Variants in PTCHD4 observed in about 807,000 individuals in gnomAD.
PTCHD4 encodes the protein patched domain-containing protein 4.
PTCHD4 carries 33 observed loss-of-function variants against 58.1 expected under a neutral mutation model. That is an observed-to-expected ratio of 0.57 (90% CI 0.43 to 0.76). The LOEUF is 0.76. Among genes scored for constraint, PTCHD4 ranks in the 30% least tolerant of loss-of-function variants. PTCHD4 has a pLI of 0.00. For synonymous variants in PTCHD4, 478 were observed against 409.6 expected (o/e 1.17, Z -2.02); for missense variants, 1,058 against 1,027.1 (o/e 1.03, Z -0.41).
chr6:47,885,399 C>G (rs1445463017), intron 4 of PTCHD4, among the ~76,000 whole-genome samples: 1 of 152,128 alleles, frequency 6.6e-6, no homozygotes, highest in Non-Finnish European at 1.5e-5. Context: ...TGCTAACATG[C>G]CCCCATTTAA....
chr6:48,052,816 C>T (rs1425820617), intron 3 of PTCHD4, among the ~76,000 whole-genome samples: 1 of 152,028 alleles, frequency 6.6e-6, no homozygotes, highest in Non-Finnish European at 1.5e-5. Flanking sequence ...GTGTATACTA[C>T]ATCACTCATA....
intron 1 of PTCHD4, among the ~76,000 whole-genome samples, 196 bp from the exon 2 acceptor site, chr6:48,070,122 T>TG (rs1491340840): frequency 6.4e-5 from 8 of 124,666 alleles, no homozygotes; most frequent in African/African-American, 2.1e-4. Flanking sequence ...TAAGTGTGTG[T>TG]TTGTGTGTGT....
At position 47,861,815 on chromosome 6, in the gene PTCHD4, T is replaced by A. The variant is rs1000277010; in HGVS notation, c.*16488A>T. 2.0e-5 allele frequency among the ~76,000 whole-genome samples: 3 copies of A among 151,980 alleles called. No homozygotes were observed. The highest frequency in any genetic ancestry group is 7.2e-5 in the African/African-American group (3 of 41,432). ...TGAGCAATTTGAACTGCTTTGTCCC[T>A]CACACAGGACTTTGTACATCACTTG... is the stretch of plus-strand genomic sequence containing the variant. On this transcript the variant is annotated 3_prime_UTR_variant, in exon 5 of 5. Transcript: ENST00000339488.
At chr6:47,986,455 G>T (rs549379775) in intron 4 of PTCHD4, among the ~76,000 whole-genome samples, 1 of 152,130 alleles carries the variant, frequency 6.6e-6, no homozygotes, top group Admixed American at 6.5e-5. Context: ...AAATTTGAAT[G>T]CTTTTAAGTA....
At chr6:48,089,413 A>G (rs1765321715) in intron 1 of PTCHD4, among the ~76,000 whole-genome samples, 1 of 152,228 alleles carries the variant, frequency 6.6e-6, no homozygotes, top group Admixed American at 6.5e-5. Flanking sequence ...CCACACAGAA[A>G]TTTTTGTTTT....
intron 4 of PTCHD4, among the ~76,000 whole-genome samples, chr6:47,896,466 G>T (rs1433121869): frequency 6.6e-6 from 1 of 152,180 alleles, no homozygotes; most frequent in Non-Finnish European, 1.5e-5. Context: ...ATTTTGATTT[G>T]CTAGTGGAGT....
chr6:48,004,966 T>C (rs779606161), intron 4 of PTCHD4, among the ~76,000 whole-genome samples: 4 of 152,160 alleles, frequency 2.6e-5, no homozygotes, highest in Non-Finnish European at 5.9e-5. Flanking sequence ...TGAATACTTC[T>C]CTAGAGAGAC....
At chr6:48,050,446 T>C (rs943411630) in intron 3 of PTCHD4, among the ~76,000 whole-genome samples, 1 of 152,028 alleles carries the variant, frequency 6.6e-6, no homozygotes, top group Non-Finnish European at 1.5e-5. Flanking sequence ...ACTATATGGC[T>C]GGTCAATGCT....
intron 1 of PTCHD4, among the ~76,000 whole-genome samples, chr6:48,085,837 A>C (rs372653445): frequency 3.9e-4 from 60 of 152,172 alleles, no homozygotes; most frequent in African/African-American, 1.4e-3. Flanking sequence ...TGAGTTAGGG[A>C]TGTGATGCGT....
chr6:48,063,662 A>C (rs926710510), intron 3 of PTCHD4, among the ~76,000 whole-genome samples: 1 of 152,188 alleles, frequency 6.6e-6, no homozygotes, highest in African/African-American at 2.4e-5. Context: ...AAAACTTGTA[A>C]AGATTAAATA....
In PTCHD4 at chr6:47,934,050, A is replaced by G. The variant is rs193235711; in HGVS notation, c.899-54114T>C. ...GTTACTATATATATAATGTACATGT[A>G]TATCCATATCACCAAATTCCTCATG... On this transcript the variant is annotated intron_variant, in intron 4 of 4. Transcript: ENST00000339488. Among the ~76,000 whole-genome samples, 19 of 152,340 alleles carry G rather than the reference A, an allele frequency of 1.2e-4. No homozygotes were observed. The East Asian group carries it at 3.3e-3, about 26-fold the overall frequency.
At position 47,879,658 on chromosome 6, in the gene PTCHD4, G is replaced by A; in HGVS notation, c.1177C>T (p.Leu393=). 6.2e-7 allele frequency: 1 copy of A among 1,613,600 alleles called. No individual in the cohort carries two copies. The highest frequency in any genetic ancestry group is 1.1e-5 in the South Asian group (1 of 91,070). Residue 393 remains leucine (L), a synonymous_variant, in exon 5 of 5, where the codon CTA becomes TTA. Coordinates refer to ENST00000339488, the MANE Select transcript of PTCHD4 (RefSeq NM_001384253.1). Reference sequence around the variant, plus strand: ...ATGCTGTGGTAGCGGTTTTGCTCTAGTTGGCCAGCAAAGACCAGACAGGAG... The same window carrying A: ...ATGCTGTGGTAGCGGTTTTGCTCTAATTGGCCAGCAAAGACCAGACAGGAG... The part of the protein sequence containing the change: ...FGSCLVFAGQ[L]EQNRYHSIFC...
At chr6:47,931,845 C>A (rs1765834614) in intron 4 of PTCHD4, among the ~76,000 whole-genome samples, 1 of 151,812 alleles carries the variant, frequency 6.6e-6, no homozygotes, top group Non-Finnish European at 1.5e-5. Context: ...GTCGTGTATC[C>A]TCCCAAAGTT....
rs1763470538 is a variant in PTCHD4 at position 47,863,087 on chromosome 6, T to C, written c.*15216A>G. Reference sequence around the variant, plus strand: ...CTTCAAATTCTCTGGGCATTCATTGTACTTAACTTTTTACTTAAGAGTTGG... The same window carrying C: ...CTTCAAATTCTCTGGGCATTCATTGCACTTAACTTTTTACTTAAGAGTTGG... On this transcript the variant is annotated 3_prime_UTR_variant, in exon 5 of 5. Transcript: ENST00000339488. Among the ~76,000 whole-genome samples the C allele has an allele frequency of 6.6e-6, 1 of 151,930 alleles. No individual in the cohort carries two copies. The highest frequency in any genetic ancestry group is 2.4e-5 in the African/African-American group (1 of 41,432).
chr6:47,929,878 CT>C (rs1270105471), intron 4 of PTCHD4, among the ~76,000 whole-genome samples: 2 of 152,202 alleles, frequency 1.3e-5, no homozygotes, highest in African/African-American at 4.8e-5. Context: ...TTCTACGCCC[CT>C]CACAGATTGG....
chr6:48,095,157 C>A (rs1012677320), intron 1 of PTCHD4, among the ~76,000 whole-genome samples: 7 of 152,142 alleles, frequency 4.6e-5, no homozygotes, highest in African/African-American at 4.8e-5. Flanking sequence ...GTACTTTATA[C>A]GTGTCTGTTT....
intron 4 of PTCHD4, among the ~76,000 whole-genome samples, chr6:47,973,750 G>T (rs1296963837): frequency 6.6e-6 from 1 of 152,164 alleles, no homozygotes; most frequent in Non-Finnish European, 1.5e-5. Flanking sequence ...ACCAACCTTG[G>T]TTATAGTATC....
chr6:47,926,067 A>C (rs1192864329), intron 4 of PTCHD4, among the ~76,000 whole-genome samples: 1 of 152,154 alleles, frequency 6.6e-6, no homozygotes, highest in Non-Finnish European at 1.5e-5. Context: ...TTGTAGCTCA[A>C]CTTATCTGCG....
chr6:47,983,743 A>G (rs770265845), intron 4 of PTCHD4, among the ~76,000 whole-genome samples: 6 of 152,174 alleles, frequency 3.9e-5, no homozygotes, highest in Non-Finnish European at 8.8e-5. Context: ...TTCAAATTCT[A>G]AAAACCTCTA....
Sources: allele counts gnomAD v4.1 joint callset (sites outside exome capture counted in the v4.1 genomes callset), GRCh38; gene constraint gnomAD v4.1.1; transcripts MANE v1.5; gene names NCBI Gene and HGNC (gene_info 2026-07-23, HGNC 2026-07-21).